The following SCN2A variants were observed in gnomAD, a reference collection of about 807,000 sequenced individuals.
SCN2A encodes sodium channel protein type 2 subunit alpha.
Under a neutral mutation model 188.7 loss-of-function variants are expected in SCN2A, and 20 were observed. The ratio of observed to expected loss-of-function variants is 0.11; its 90% CI spans 0.07 to 0.15. The LOEUF (loss-of-function observed/expected upper bound fraction) is 0.15, where lower values mean the gene tolerates loss of function less well. Ranked by LOEUF, SCN2A falls within the 10% of genes least tolerant of loss-of-function variation. The pLI, the probability that SCN2A is intolerant of heterozygous loss-of-function variation, is 1.00. For synonymous variants in SCN2A, 804 were observed against 833.1 expected (o/e 0.97, Z 0.60); for missense variants, 1,278 against 2,445.0 (o/e 0.52, Z 10.07).
intron 11 of SCN2A, among the ~76,000 whole-genome samples, chr2:165,321,481 C>T (rs1408366369): frequency 6.6e-6 from 1 of 152,176 alleles, no homozygotes; most frequent in Non-Finnish European, 1.5e-5. Flanking sequence ...TGTTTTCATG[C>T]TGCTGATAAA....
intron 1 of SCN2A, chr2:165,270,860 A>T (rs1695074597): frequency 6.6e-6 from 1 of 152,136 alleles, no homozygotes; most frequent in East Asian, 1.9e-4. Flanking sequence ...AGCAATATAG[A>T]ATAAATCCTT....
intron 1 of SCN2A, among the ~76,000 whole-genome samples, chr2:165,286,819 T>G (rs1424490656): frequency 6.6e-6 from 1 of 152,214 alleles, no homozygotes; most frequent in African/African-American, 2.4e-5. Context: ...TCTCTGAAAT[T>G]TCTATGTATT....
At chr2:165,362,893 G>T (rs895654141) in intron 17 of SCN2A, among the ~76,000 whole-genome samples, 1 of 152,072 alleles carries the variant, frequency 6.6e-6, no homozygotes, top group African/African-American at 2.4e-5. Context: ...TAGGAGTCCA[G>T]ATTTATTGGG....
intron 1 of SCN2A, among the ~76,000 whole-genome samples, chr2:165,247,257 G>T (rs1004323924): frequency 6.6e-6 from 1 of 151,972 alleles, no homozygotes; most frequent in Admixed American, 6.6e-5. Flanking sequence ...TCTTGTATTT[G>T]AATTTTTTTA....
intron 1 of SCN2A, among the ~76,000 whole-genome samples, chr2:165,252,931 C>T (rs919606685): frequency 1.3e-5 from 2 of 151,908 alleles, no homozygotes; most frequent in Non-Finnish European, 2.9e-5. Context: ...AAAATCTTAA[C>T]CAAAATTTGG....
chr2:165,285,709 A>G (rs1362013371), intron 1 of SCN2A: 1 of 220,928 alleles, frequency 4.5e-6, no homozygotes, highest in Non-Finnish European at 1.0e-5. Context: ...AGCTCTAGCA[A>G]TCCAGCTCCA....
rs192664197 is a variant in SCN2A at position 165,339,863 on chromosome 2, A to G, written c.2389-2433A>G. On this transcript the variant is annotated intron_variant, in intron 14 of 26. Coordinates refer to ENST00000375437, the MANE Select transcript of SCN2A (RefSeq NM_001040142.2). ...ATTGCCAAAACAATACTGATAAAAG[A>G]ATAATGAAAACATTAACCTACCTGA... 1.3e-5 allele frequency among the ~76,000 whole-genome samples: 2 copies of G among 152,196 alleles called. 1 individual carries two copies. The highest frequency in any genetic ancestry group is 6.3e-3 in the Middle Eastern group (2 of 316).
intron 17 of SCN2A, 61 bp from the exon 18 acceptor site, chr2:165,365,082 A>T (rs1700653192): frequency 6.7e-7 from 1 of 1,490,062 alleles, no homozygotes; most frequent in South Asian, 1.2e-5. Flanking sequence ...CACCTAATTA[A>T]TTTTTATATT....
intron 1 of SCN2A, among the ~76,000 whole-genome samples, chr2:165,289,538 C>T (rs1445679501): frequency 6.6e-6 from 1 of 151,930 alleles, no homozygotes; most frequent in East Asian, 1.9e-4. Context: ...AAATGTAGTA[C>T]AACTGAATGA....
At chr2:165,335,469 A>G (rs1698939641) in intron 14 of SCN2A, among the ~76,000 whole-genome samples, 1 of 151,768 alleles carries the variant, frequency 6.6e-6, no homozygotes, top group African/African-American at 2.4e-5. Flanking sequence ...TGTTAAATTA[A>G]TTTTCAACAA....
chr2:165,293,923 T>G, intron 1 of SCN2A: 1 of 982,846 alleles, frequency 1.0e-6, no homozygotes, highest in Non-Finnish European at 1.2e-6. Flanking sequence ...AATGCCATTT[T>G]GTAGTCCCTG....
intron 3 of SCN2A, among the ~76,000 whole-genome samples, chr2:165,300,819 C>T (rs1446110748): frequency 6.6e-6 from 1 of 152,066 alleles, no homozygotes; most frequent in Non-Finnish European, 1.5e-5. Flanking sequence ...GGAGGGTTTT[C>T]AGTAGCAGGA....
intron 10 of SCN2A, 111 bp downstream of exon 10, chr2:165,314,219 G>T (rs538953949): frequency 3.7e-5 from 41 of 1,104,922 alleles, no homozygotes; most frequent in Admixed American, 6.2e-5. Flanking sequence ...ATATGTGTTT[G>T]GTAAGTGCTA....
intron 22 of SCN2A, among the ~76,000 whole-genome samples, chr2:165,375,521 G>A (rs575788500): frequency 2.0e-5 from 3 of 151,982 alleles, no homozygotes; most frequent in South Asian, 2.1e-4. Context: ...GTATGTGTGC[G>A]TGTATATAGA....
At chr2:165,295,672 C>G in intron 1 of SCN2A, 101 bp from the exon 2 acceptor site, 1 of 1,053,184 alleles carries the variant, frequency 9.5e-7, no homozygotes, top group Non-Finnish European at 1.4e-6. Flanking sequence ...TTATAGCTAT[C>G]TGAGTTTCTA....
At chr2:165,309,924 G>T (rs146742367) in intron 6 of SCN2A, among the ~76,000 whole-genome samples, 9 of 151,960 alleles carry the variant, frequency 5.9e-5, no homozygotes, top group Admixed American at 5.9e-4. Context: ...ATAATTCATC[G>T]ACTTCAAGAT....
At chr2:165,254,699 G>T (rs1199678504) in intron 1 of SCN2A, among the ~76,000 whole-genome samples, 1 of 151,640 alleles carries the variant, frequency 6.6e-6, no homozygotes, top group Non-Finnish European at 1.5e-5. Context: ...ACATTTTGTA[G>T]AAAAATTCAA....
At chr2:165,371,913 T>C (rs1166788041) in intron 20 of SCN2A, 2 of 152,196 alleles carry the variant, frequency 1.3e-5, no homozygotes, top group African/African-American at 4.8e-5. Context: ...AGAAGGCCTA[T>C]ATGTATCTTC....
intron 14 of SCN2A, 138 bp downstream of exon 14, chr2:165,331,706 A>C: frequency 1.4e-6 from 1 of 740,544 alleles, no homozygotes; most frequent in South Asian, 1.5e-5. Flanking sequence ...ATCCCTTTTA[A>C]ATAACAAAAA....
Sources: gnomAD v4.1 joint callset for allele counts (sites outside exome capture counted in the v4.1 genomes callset) on GRCh38, gnomAD v4.1.1 for gene constraint, MANE v1.5 for transcripts, NCBI Gene and HGNC (gene_info 2026-07-23, HGNC 2026-07-21) for gene names.